The following SPAG16 variants were observed in gnomAD, a reference collection of about 807,000 sequenced individuals.
SPAG16 encodes the protein sperm-associated antigen 16 protein.
Under a neutral mutation model 80.4 loss-of-function variants are expected in SPAG16, and 86 were observed. The observed-to-expected ratio is 1.07, with a 90% CI of 0.90 to 1.28. The LOEUF (loss-of-function observed/expected upper bound fraction) is 1.28. Ranked by LOEUF, SPAG16 falls within the 50% of genes most tolerant of loss-of-function variation. SPAG16 has a pLI of 0.00. For synonymous variants in SPAG16, 294 were observed against 265.9 expected (o/e 1.11, Z -1.03); for missense variants, 870 against 765.3 (o/e 1.14, Z -1.61).
At chr2:213,370,424 CAA>C (rs954840827) in intron 8 of SPAG16, among the ~76,000 whole-genome samples, 1 of 152,010 alleles carries the variant, frequency 6.6e-6, no homozygotes, top group African/African-American at 2.4e-5. Flanking sequence ...GCATATTTTA[CAA>C]AGAGTGTACA....
chr2:213,293,420 T>C (rs1253226062), intron 1 of SPAG16, among the ~76,000 whole-genome samples: 1 of 152,210 alleles, frequency 6.6e-6, no homozygotes, highest in Non-Finnish European at 1.5e-5. Context: ...CAGTGGGATA[T>C]TGAAGAAATG....
At chr2:213,767,031 A>C (rs1458176966) in intron 10 of SPAG16, among the ~76,000 whole-genome samples, 2 of 152,176 alleles carry the variant, frequency 1.3e-5, no homozygotes, top group Non-Finnish European at 2.9e-5. Context: ...CCATATCACC[A>C]GTTGTTTTTG....
At chr2:214,060,057 T>C (rs1277322176) in intron 13 of SPAG16, among the ~76,000 whole-genome samples, 1 of 152,140 alleles carries the variant, frequency 6.6e-6, no homozygotes, top group Admixed American at 6.6e-5. Context: ...ACTGATTTCC[T>C]CCAAGCCTAA....
intron 4 of SPAG16, among the ~76,000 whole-genome samples, chr2:213,312,491 A>G (rs928996198): frequency 2.0e-5 from 3 of 151,670 alleles, no homozygotes; most frequent in African/African-American, 7.2e-5. Context: ...CTAAAGATAC[A>G]TTCTTACTTT....
At chr2:214,037,377 GT>G (rs1172687649) in intron 13 of SPAG16, among the ~76,000 whole-genome samples, 1 of 151,762 alleles carries the variant, frequency 6.6e-6, no homozygotes, top group South Asian at 2.1e-4. Flanking sequence ...AAAATAATCT[GT>G]TTTTTGTTAT....
chr2:214,087,593 G>A (rs1028381803), intron 13 of SPAG16, among the ~76,000 whole-genome samples: 1 of 151,950 alleles, frequency 6.6e-6, no homozygotes, highest in African/African-American at 2.4e-5. Flanking sequence ...GAGAAGTAAT[G>A]TATGTTGGGA....
chr2:213,554,428 G>T (rs1356634206), intron 10 of SPAG16, among the ~76,000 whole-genome samples: 1 of 152,134 alleles, frequency 6.6e-6, no homozygotes, highest in Non-Finnish European at 1.5e-5. Flanking sequence ...CAACAAATGT[G>T]CAGACATCAA....
intron 9 of SPAG16, among the ~76,000 whole-genome samples, chr2:213,481,054 C>T (rs1011760292): frequency 6.6e-6 from 1 of 152,160 alleles, no homozygotes; most frequent in African/African-American, 2.4e-5. Context: ...AGGCAGTGAA[C>T]GCAACATGAC....
intron 10 of SPAG16, among the ~76,000 whole-genome samples, chr2:213,528,931 A>G (rs1380987013): frequency 6.6e-6 from 1 of 152,194 alleles, no homozygotes; most frequent in Non-Finnish European, 1.5e-5. Flanking sequence ...CTAATCTGAA[A>G]TTATAGATTC....
At chr2:213,909,193 G>A (rs904703945) in intron 11 of SPAG16, among the ~76,000 whole-genome samples, 20 of 152,096 alleles carry the variant, frequency 1.3e-4, no homozygotes, top group African/African-American at 4.6e-4. Context: ...CCTCTTCAAG[G>A]ACAACTACAA....
At chr2:214,055,002 G>A (rs1240008168) in intron 13 of SPAG16, among the ~76,000 whole-genome samples, 2 of 152,076 alleles carry the variant, frequency 1.3e-5, no homozygotes, top group African/African-American at 4.8e-5. Flanking sequence ...ATTTTAAAAG[G>A]TAAAAGTGAT....
At chr2:213,377,524 A>C (rs781251448) in intron 9 of SPAG16, among the ~76,000 whole-genome samples, 4 of 152,202 alleles carry the variant, frequency 2.6e-5, no homozygotes, top group Non-Finnish European at 4.4e-5. Context: ...TCCACATTTA[A>C]CATGAAGTTA....
At chr2:214,141,322 C>G (rs2055346864) in intron 14 of SPAG16, among the ~76,000 whole-genome samples, 1 of 151,906 alleles carries the variant, frequency 6.6e-6, no homozygotes, top group African/African-American at 2.4e-5. Context: ...CAAAAATTAG[C>G]CAGGCACGGT....
intron 15 of SPAG16, among the ~76,000 whole-genome samples, chr2:214,191,316 A>G (rs1412568323): frequency 6.6e-6 from 1 of 152,106 alleles, no homozygotes; most frequent in Non-Finnish European, 1.5e-5. Flanking sequence ...GCATTTTCAA[A>G]TTGCCCCTTC....
chr2:214,333,439 TATC>T (rs1697066939), intron 15 of SPAG16, among the ~76,000 whole-genome samples: 1 of 152,216 alleles, frequency 6.6e-6, no homozygotes, highest in African/African-American at 2.4e-5. Flanking sequence ...GACAGTCTAA[TATC>T]ATCACCCACT....
At chr2:213,803,894 A>G (rs2071575154) in intron 10 of SPAG16, among the ~76,000 whole-genome samples, 1 of 152,298 alleles carries the variant, frequency 6.6e-6, no homozygotes, top group East Asian at 1.9e-4. Flanking sequence ...GCCAGACTTC[A>G]TGGCACAGGC....
intron 10 of SPAG16, among the ~76,000 whole-genome samples, chr2:213,853,223 A>G (rs1355849678): frequency 1.3e-5 from 2 of 152,202 alleles, no homozygotes; most frequent in African/African-American, 2.4e-5. Flanking sequence ...TTCTTGTGAC[A>G]ATCTTTTTTT....
At chr2:213,986,653 T>G (rs1161346619) in intron 12 of SPAG16, among the ~76,000 whole-genome samples, 1 of 151,860 alleles carries the variant, frequency 6.6e-6, no homozygotes, top group Non-Finnish European at 1.5e-5. Flanking sequence ...ACATATGCTG[T>G]CTGGTAGAAA....
At chr2:214,209,702 C>T (rs2058238719) in intron 15 of SPAG16, among the ~76,000 whole-genome samples, 1 of 152,110 alleles carries the variant, frequency 6.6e-6, no homozygotes, top group South Asian at 2.1e-4. Context: ...GTTACTGGTA[C>T]TGAGGCTCAT....
Sources: allele counts gnomAD v4.1 joint callset (sites outside exome capture counted in the v4.1 genomes callset), GRCh38; gene constraint gnomAD v4.1.1; transcripts MANE v1.5; gene names NCBI Gene and HGNC (gene_info 2026-07-23, HGNC 2026-07-21).